The following LSM3 variants were observed in gnomAD, a reference collection of about 807,000 sequenced individuals.
The protein encoded by LSM3 is U6 snRNA-associated Sm-like protein LSm3.
A neutral mutation model predicts 15.4 loss-of-function variants in LSM3; 14 were observed. The observed-to-expected ratio is 0.91, with a 90% CI of 0.60 to 1.42. The LOEUF (loss-of-function observed/expected upper bound fraction) is 1.42. LSM3 is among the 40% of genes most tolerant of loss of function. The probability of loss-of-function intolerance (pLI) is 0.00; values close to 1 mark genes in which losing one functional copy is unlikely to be tolerated. For missense variants in LSM3, 88 were observed against 127.9 expected, an observed-to-expected ratio of 0.69 and a Z score of 1.50; for synonymous variants, 46 against 45.1, an observed-to-expected ratio of 1.02 and a Z score of -0.08.
At chr3:14,184,960 G>A (rs1403670462) in intron 3 of LSM3, among the ~76,000 whole-genome samples, 8 of 152,126 alleles carry the variant, frequency 5.3e-5, no homozygotes, top group Non-Finnish European at 7.4e-5. Context: ...GGGAGGCTGA[G>A]GCAGGAGAAC....
intron 2 of LSM3, among the ~76,000 whole-genome samples, chr3:14,181,871 A>G (rs1218972225): frequency 6.6e-6 from 1 of 152,244 alleles, no homozygotes; most frequent in Admixed American, 6.5e-5. Context: ...CGTTTATTAT[A>G]GAACATTTTT....
intron 3 of LSM3, 106 bp from the exon 4 acceptor site, chr3:14,197,930 C>A: frequency 2.1e-6 from 2 of 943,030 alleles, no homozygotes; most frequent in Non-Finnish European, 1.7e-6. Context: ...TTTTTTAATC[C>A]AATTTTTTTG....
rs1697228448 is a variant in LSM3, at chr3:14,200,849, A to G, written c.*2733A>G. 6.6e-6 allele frequency: 1 copy of G among 152,210 alleles called. No individual in the cohort carries two copies. The highest frequency in any genetic ancestry group is 2.4e-5 in the African/African-American group (1 of 41,448). The allele number at this position is 152,210 out of a possible 1,614,324, so 9.4% of individuals were successfully genotyped here. A position where few individuals can be genotyped will look rare whatever the true frequency, so the allele number is the denominator to read the frequency against. On this transcript the variant is annotated 3_prime_UTR_variant, in exon 4 of 4. Coordinates refer to ENST00000306024, the MANE Select transcript of LSM3 (RefSeq NM_014463.3). ...CACACACCCTTTTATTTAATCAGCT[A>G]AAGTGGGTGCGGTGACACACACCTG...
intron 1 of LSM3, 149 bp downstream of exon 1, chr3:14,179,030 T>G: frequency 1.2e-6 from 1 of 821,028 alleles, no homozygotes; most frequent in Non-Finnish European, 2.0e-6. Context: ...CCCTCCGAAT[T>G]TTGCCGTAGG....
intron 1 of LSM3, 76 bp downstream of exon 1, chr3:14,178,957 C>T: frequency 6.8e-7 from 1 of 1,472,944 alleles, no homozygotes; most frequent in Non-Finnish European, 9.5e-7. Flanking sequence ...GGAAAAATGG[C>T]CAGTCGTGCC....
At chr3:14,187,938 G>A (rs533205887) in intron 3 of LSM3, among the ~76,000 whole-genome samples, 1 of 152,326 alleles carries the variant, frequency 6.6e-6, no homozygotes, top group African/African-American at 2.4e-5. Flanking sequence ...TGTCCATCAT[G>A]TGTACTACCT....
At chr3:14,192,476 G>A (rs1697149512) in intron 3 of LSM3, among the ~76,000 whole-genome samples, 1 of 152,168 alleles carries the variant, frequency 6.6e-6, no homozygotes, top group African/African-American at 2.4e-5. Flanking sequence ...TGTATTGGGT[G>A]CATATATATT....
chr3:14,181,678 A>T lies in LSM3; in HGVS notation c.132+8A>T, dbSNP rs1277586817. 1.9e-6 allele frequency: 3 copies of T among 1,584,692 alleles called. No individual in the cohort carries two copies. The East Asian group carries it at 6.7e-5, about 35-fold the overall frequency. ...CTTCGAGGCAGATTACATGTAAGTAAATTTATCAAGTTACCTTGAAATCAG... is the reference window on the plus strand; with the variant it reads ...CTTCGAGGCAGATTACATGTAAGTATATTTATCAAGTTACCTTGAAATCAG... On this transcript the variant is annotated splice_region_variant and intron_variant, in intron 2 of 3. Transcript: ENST00000306024.
In LSM3 at chr3:14,198,443, C is replaced by T. The variant is rs766675052; in HGVS notation, c.*327C>T. 1.3e-5 allele frequency: 4 copies of T among 299,786 alleles called. No individual in the cohort carries two copies. Among genetic ancestry groups the T allele is most frequent in the African/African-American group, 8.8e-5 (4 of 45,692 alleles). 18.6% of individuals were successfully genotyped at this position (299,786 alleles called of 1,614,324 possible). ...GTTTCCTTGTAGATTTTTTTAAGTGCGGTCTTCTGTCTTGTGAATTATTTA... is the reference window on the plus strand; with the variant it reads ...GTTTCCTTGTAGATTTTTTTAAGTGTGGTCTTCTGTCTTGTGAATTATTTA... On this transcript the variant is annotated 3_prime_UTR_variant, in exon 4 of 4. Transcript: ENST00000306024.
chr3:14,187,372 T>C (rs1697098865), intron 3 of LSM3, among the ~76,000 whole-genome samples: 1 of 152,208 alleles, frequency 6.6e-6, no homozygotes, highest in Non-Finnish European at 1.5e-5. Context: ...CTGAGAACAG[T>C]AAGCAAAGTC....
intron 3 of LSM3, among the ~76,000 whole-genome samples, chr3:14,194,014 TC>T (rs1165356321): frequency 6.6e-6 from 1 of 152,224 alleles, no homozygotes. Flanking sequence ...TTTCTTTCCT[TC>T]CAACAGTCAG....
chr3:14,183,797 A>C (rs1399393229), intron 2 of LSM3, 140 bp from the exon 3 acceptor site: 3 of 541,620 alleles, frequency 5.5e-6, no homozygotes, highest in Non-Finnish European at 9.7e-6. Flanking sequence ...CTGTAGGATT[A>C]CTTTTTATTT....
rs1409437978 is a variant in LSM3, at chr3:14,197,919, GT to G, written c.229-111del. The G allele has an allele frequency of 3.5e-5, 29 of 823,972 alleles. No homozygotes were observed. The African/African-American group carries it at 4.3e-4, about 12-fold the overall frequency. The allele number at this position is 823,972 out of a possible 1,614,324, so 51.0% of individuals were successfully genotyped here. On this transcript the variant is annotated intron_variant, in intron 3 of 3. Coordinates refer to ENST00000306024, the MANE Select transcript of LSM3 (RefSeq NM_014463.3). ...TGGTGCTACCAAGGGAAGTGATCAGGTTTTTTAATCCAATTTTTTTGTGTCA... is the reference window on the plus strand; with the variant it reads ...TGGTGCTACCAAGGGAAGTGATCAGGTTTTTAATCCAATTTTTTTGTGTCA...
intron 3 of LSM3, among the ~76,000 whole-genome samples, chr3:14,194,775 CTTTTTTTTTTT>C (rs145805608): frequency 2.3e-5 from 2 of 88,800 alleles, no homozygotes; most frequent in Non-Finnish European, 4.1e-5. Context: ...TTATAGCATC[CTTTTTTTTTTT>C]TTTTTTTTTT....
At chr3:14,178,942 A>T in intron 1 of LSM3, 61 bp downstream of exon 1, 1 of 1,592,178 alleles carries the variant, frequency 6.3e-7, no homozygotes, top group South Asian at 1.1e-5. Context: ...CTTTTTCCAG[A>T]CTCAGGAAAA....
intron 3 of LSM3, among the ~76,000 whole-genome samples, chr3:14,185,070 G>T (rs1425165010): frequency 4.0e-5 from 6 of 151,462 alleles, no homozygotes; most frequent in Non-Finnish European, 5.9e-5. Flanking sequence ...AAAAAAAAAG[G>T]CTGGGTGCAG....
chr3:14,181,665 T>TA lies in LSM3; in HGVS notation c.127_128insA (p.Leu43TyrfsTer5), dbSNP rs775095637. On this transcript the variant is annotated frameshift_variant, in exon 2 of 4. Transcript: ENST00000306024. LOFTEE classifies it high-confidence loss of function. ...AAATGACCGAGAGCTTCGAGGCAGA[T>TA]TACATGTAAGTAAATTTATCAAGTT... 3.7e-6 allele frequency: 6 copies of TA among 1,608,184 alleles called. No individual in the cohort carries two copies. The African/African-American group carries it at 8.0e-5, about 22-fold the overall frequency.
At chr3:14,184,440 AT>A (rs1170448228) in intron 3 of LSM3, among the ~76,000 whole-genome samples, 1 of 152,250 alleles carries the variant, frequency 6.6e-6, no homozygotes, top group South Asian at 2.1e-4. Context: ...AAACTGAAAA[AT>A]TTTTTAAATA....
chr3:14,188,282 G>C (rs1267153568), intron 3 of LSM3, among the ~76,000 whole-genome samples: 1 of 152,072 alleles, frequency 6.6e-6, no homozygotes, highest in Non-Finnish European at 1.5e-5. Context: ...ACTCATATTA[G>C]AGCAGCTCTA....
Sources: gnomAD v4.1 joint callset for allele counts (sites outside exome capture counted in the v4.1 genomes callset) on GRCh38, gnomAD v4.1.1 for gene constraint, MANE v1.5 for transcripts, NCBI Gene and HGNC (gene_info 2026-07-23, HGNC 2026-07-21) for gene names.